The following PLCB4 variants were observed in gnomAD, a reference collection of about 807,000 sequenced individuals.
PLCB4 encodes the protein phospholipase C beta 4.
PLCB4 carries 77 observed loss-of-function variants against 178.8 expected under a neutral mutation model. That is an observed-to-expected ratio of 0.43 (90% CI 0.36 to 0.52). The LOEUF (loss-of-function observed/expected upper bound fraction) is 0.52, where lower values mean the gene tolerates loss of function less well. Ranked by LOEUF, PLCB4 falls within the 20% of genes least tolerant of loss-of-function variation. The pLI, the probability that PLCB4 is intolerant of heterozygous loss-of-function variation, is 0.00. For synonymous variants in PLCB4, 496 were observed against 490.8 expected, an observed-to-expected ratio of 1.01 and a Z score of -0.14; for missense variants, 1,024 against 1,453.4, an observed-to-expected ratio of 0.70 and a Z score of 4.80.
chr20:9,385,524 G>A (rs1246672508), intron 14 of PLCB4, among the ~76,000 whole-genome samples: 13 of 149,758 alleles, frequency 8.7e-5, no homozygotes, highest in Non-Finnish European at 1.9e-4. Flanking sequence ...GGGCAAAGGC[G>A]CTTCTCACAT....
chr20:9,318,528 T>A (rs1332956186), intron 4 of PLCB4, among the ~76,000 whole-genome samples: 1 of 152,202 alleles, frequency 6.6e-6, no homozygotes, highest in Non-Finnish European at 1.5e-5. Flanking sequence ...TCTTCTAACA[T>A]CCAGAATAAT....
At chr20:9,117,432 A>G (rs913646155) in intron 2 of PLCB4, among the ~76,000 whole-genome samples, 1 of 152,174 alleles carries the variant, frequency 6.6e-6, no homozygotes, top group African/African-American at 2.4e-5. Flanking sequence ...ATTGATTTGA[A>G]TGATGGAAAT....
At chr20:9,374,788 T>A (rs1226715745) in intron 12 of PLCB4, among the ~76,000 whole-genome samples, 3 of 152,192 alleles carry the variant, frequency 2.0e-5, no homozygotes, top group Non-Finnish European at 4.4e-5. Flanking sequence ...GTCACTCCTG[T>A]AATTCTTAGA....
chr20:9,082,116 A>C (rs1215799279), intron 1 of PLCB4, among the ~76,000 whole-genome samples: 1 of 152,104 alleles, frequency 6.6e-6, no homozygotes, highest in African/African-American at 2.4e-5. Context: ...ATTAGAAAAA[A>C]AATTTCTTAT....
chr20:9,249,464 T>G (rs966372266), intron 3 of PLCB4, among the ~76,000 whole-genome samples: 1 of 152,132 alleles, frequency 6.6e-6, no homozygotes, highest in Non-Finnish European at 1.5e-5. Context: ...TGTGCCACCA[T>G]GCCCAACTAA....
intron 2 of PLCB4, among the ~76,000 whole-genome samples, chr20:9,202,094 TC>T (rs2093554102): frequency 6.6e-6 from 1 of 152,114 alleles, no homozygotes; most frequent in Non-Finnish European, 1.5e-5. Flanking sequence ...CACAGATGAA[TC>T]CCAAAATACA....
At chr20:9,429,721 A>G (rs1044873135) in intron 28 of PLCB4, among the ~76,000 whole-genome samples, 18 of 152,200 alleles carry the variant, frequency 1.2e-4, no homozygotes, top group Admixed American at 3.3e-4. Context: ...CTACCTATCC[A>G]TATGTCTCAC....
intron 9 of PLCB4, among the ~76,000 whole-genome samples, chr20:9,368,131 G>C (rs2035935995): frequency 6.6e-6 from 1 of 152,166 alleles, no homozygotes; most frequent in African/African-American, 2.4e-5. Flanking sequence ...GAAACTATTA[G>C]TGTACTGTCC....
Position 9,208,361 on chromosome 20 carries a change from G to A in PLCB4, c.-78-9029G>A, listed in dbSNP as rs1459196947. The stretch of plus-strand genomic sequence containing the variant: ...ACACTGAGAGTGGTACCTGGACATA[G>A]TAATTTCTCATTGATTGGTAGTTAT... On this transcript the variant is annotated intron_variant, in intron 2 of 39. Coordinates refer to ENST00000378473, the MANE Select transcript of PLCB4 (RefSeq NM_001377142.1). Among the ~76,000 whole-genome samples, 11 of 152,134 alleles carry A rather than the reference G, an allele frequency of 7.2e-5. 1 individual carries two copies.
At chr20:9,411,739 A>G (rs1388825850) in intron 25 of PLCB4, among the ~76,000 whole-genome samples, 2 of 151,768 alleles carry the variant, frequency 1.3e-5, no homozygotes, top group Non-Finnish European at 2.9e-5. Flanking sequence ...AAAAAACACA[A>G]CTATGTGGTC....
chr20:9,090,588 C>T (rs1392947720), intron 1 of PLCB4, among the ~76,000 whole-genome samples: 1 of 148,448 alleles, frequency 6.7e-6, no homozygotes, highest in East Asian at 2.0e-4. Context: ...CTCTGTGTTA[C>T]TAAAAAATTG....
intron 7 of PLCB4, among the ~76,000 whole-genome samples, chr20:9,349,327 C>G (rs1295034165): frequency 3.3e-5 from 5 of 152,168 alleles, no homozygotes; most frequent in Non-Finnish European, 5.9e-5. Context: ...GATAACCACT[C>G]TAATGAGTCT....
At chr20:9,339,097 A>G in intron 7 of PLCB4, 60 bp downstream of exon 7, 3 of 1,245,590 alleles carry the variant, frequency 2.4e-6, no homozygotes, top group Non-Finnish European at 3.4e-6. Context: ...TGTGTGTTTA[A>G]TTTTATGCGT....
intron 4 of PLCB4, among the ~76,000 whole-genome samples, chr20:9,318,436 A>AG (rs1188589350): frequency 6.6e-6 from 1 of 152,082 alleles, no homozygotes; most frequent in Non-Finnish European, 1.5e-5. Context: ...TGCAAAAAAA[A>AG]CCTGAAAAGA....
At chr20:9,151,572 G>C (rs181436004) in intron 2 of PLCB4, among the ~76,000 whole-genome samples, 64 of 152,258 alleles carry the variant, frequency 4.2e-4, no homozygotes, top group Non-Finnish European at 6.3e-4. Flanking sequence ...CTGCTGCCAT[G>C]TTAGAAGTGC....
intron 3 of PLCB4, among the ~76,000 whole-genome samples, chr20:9,293,305 C>T (rs1318004760): frequency 5.7e-5 from 8 of 140,840 alleles, no homozygotes; most frequent in African/African-American, 1.6e-4. Flanking sequence ...GAAGTCACTG[C>T]GCTCCAGCCT....
intron 35 of PLCB4, among the ~76,000 whole-genome samples, chr20:9,462,519 A>C (rs1449575384): frequency 6.6e-6 from 1 of 152,206 alleles, no homozygotes; most frequent in Non-Finnish European, 1.5e-5. Context: ...AAAACCTTGA[A>C]AAAAGGCTAG....
intron 19 of PLCB4, among the ~76,000 whole-genome samples, chr20:9,397,414 G>A (rs143694828): frequency 2.0e-3 from 297 of 152,246 alleles, no homozygotes; most frequent in African/African-American, 6.6e-3. Context: ...AAACTCCTAT[G>A]AACGTTGATA....
chr20:9,398,883 G>A (rs576136343), intron 19 of PLCB4, among the ~76,000 whole-genome samples: 2 of 152,296 alleles, frequency 1.3e-5, no homozygotes, highest in South Asian at 4.1e-4. Context: ...GCGGGCAACC[G>A]ATTGCACTAA....
Sources: gnomAD v4.1 joint callset for allele counts (sites outside exome capture counted in the v4.1 genomes callset) on GRCh38, gnomAD v4.1.1 for gene constraint, MANE v1.5 for transcripts, NCBI Gene and HGNC (gene_info 2026-07-23, HGNC 2026-07-21) for gene names.